Variants in KCNQ1 observed in about 807,000 individuals in gnomAD.
The protein encoded by KCNQ1 is potassium voltage-gated channel subfamily Q member 1.
In KCNQ1, 49 loss-of-function variants were observed where a neutral mutation model predicts 72.4. The observed-to-expected ratio is 0.68, with a 90% CI of 0.54 to 0.86. The LOEUF is 0.86. Among genes scored for constraint, KCNQ1 ranks in the 40% least tolerant of loss-of-function variants. KCNQ1 has a pLI of 0.00. For missense variants in KCNQ1, 790 were observed against 945.1 expected (o/e 0.84, Z 2.15); for synonymous variants, 450 against 412.6 (o/e 1.09, Z -1.10).
chr11:2,667,865 A>T (rs1364154519), intron 11 of KCNQ1: 6 of 398,596 alleles, frequency 1.5e-5, no homozygotes, highest in African/African-American at 4.1e-5. Context: ...ATGCACACAG[A>T]TTAGTACACA....
At chr11:2,499,430 A>C (rs1234948343) in intron 1 of KCNQ1, among the ~76,000 whole-genome samples, 1 of 152,136 alleles carries the variant, frequency 6.6e-6, no homozygotes, top group African/African-American at 2.4e-5. Flanking sequence ...ACAAATAATA[A>C]AATGGCAAGA....
rs1167620860 is a variant in KCNQ1, at chr11:2,495,560, G to T, written c.387-32368G>T. Among the ~76,000 whole-genome samples, 2 of 152,144 alleles carry T rather than the reference G, an allele frequency of 1.3e-5. No homozygotes were observed. Among genetic ancestry groups the T allele is most frequent in the Non-Finnish European group, 2.9e-5 (2 of 68,032 alleles). ...TCTCTTTGTTTTCATTTGTTTCAAA[G>T]AATTTCTTTATTTCTGCCTTGATTT... On this transcript the variant is annotated intron_variant, in intron 1 of 15. Coordinates refer to ENST00000155840, the MANE Select transcript of KCNQ1 (RefSeq NM_000218.3). This position sits in a 1 kb window ranked among gnomAD's most constrained non-coding sequence, Gnocchi z 4.6.
chr11:2,751,741 A>G (rs753198789), intron 11 of KCNQ1, among the ~76,000 whole-genome samples: 1 of 152,258 alleles, frequency 6.6e-6, no homozygotes, highest in Admixed American at 6.5e-5. Flanking sequence ...CTGCAAGGGC[A>G]GGCAGATCGG....
At position 2,636,677 on chromosome 11, in the gene KCNQ1, T is replaced by C. The variant is rs559470202; in HGVS notation, c.1394-25284T>C. ...TTGTTGTGTCTCTGCCAGGCTTTGG[T>C]ATCAGGATGATGCTGGCCTCATAAA... On this transcript the variant is annotated intron_variant, in intron 10 of 15. Transcript: ENST00000155840. The C allele has an allele frequency of 8.5e-5, 13 of 152,294 alleles. 1 individual carries two copies. In the South Asian group the frequency reaches 2.7e-3, roughly 32 times the overall value. The allele number at this position is 152,294 out of a possible 1,614,324, so 9.4% of individuals were successfully genotyped here. A position where few individuals can be genotyped will look rare whatever the true frequency, so the allele number is the denominator to read the frequency against.
intron 11 of KCNQ1, among the ~76,000 whole-genome samples, chr11:2,742,741 G>A (rs1374840924): frequency 6.6e-6 from 1 of 152,260 alleles, no homozygotes; most frequent in Non-Finnish European, 1.5e-5. Flanking sequence ...TGAATTCGGG[G>A]CGGTCCTGAC....
chr11:2,648,537 C>A, intron 10 of KCNQ1: 1 of 398,388 alleles, frequency 2.5e-6, no homozygotes, highest in East Asian at 3.6e-5. Flanking sequence ...ACACAGTGGT[C>A]ATTCAGGAAC....
In KCNQ1 at chr11:2,592,071, T is replaced by C. The variant is rs947449189; in HGVS notation, c.1393+3217T>C. Among the ~76,000 whole-genome samples, 34 of 152,364 alleles carry C rather than the reference T, an allele frequency of 2.2e-4. No homozygotes were observed. The highest frequency in any genetic ancestry group is 8.2e-4 in the African/African-American group (34 of 41,592). On this transcript the variant is annotated intron_variant, in intron 10 of 15. Transcript: ENST00000155840. The surrounding 1 kb of genome is among the most constrained non-coding windows in gnomAD (Gnocchi z 5.2). The stretch of plus-strand genomic sequence containing the variant: ...AACCCAGGCCTCGACCTTGTCTGGC[T>C]GTGCTTTCTGTTGTGTGAACCTGCA...
chr11:2,583,610 C>G, intron 7 of KCNQ1, 65 bp downstream of exon 7: 2 of 1,105,360 alleles, frequency 1.8e-6, no homozygotes, highest in South Asian at 2.5e-5. Flanking sequence ...GGTGGCTGCA[C>G]GCCCCTCCCT....
At chr11:2,577,862 G>GC (rs1022855191) in intron 6 of KCNQ1, among the ~76,000 whole-genome samples, 1 of 152,074 alleles carries the variant, frequency 6.6e-6, no homozygotes, top group African/African-American at 2.4e-5. Context: ...AGACAGTCCT[G>GC]CCCCCCACCC....
At chr11:2,586,732 G>A (rs58902221) in intron 8 of KCNQ1, among the ~76,000 whole-genome samples, 2 of 152,126 alleles carry the variant, frequency 1.3e-5, no homozygotes, top group Admixed American at 1.3e-4. Context: ...AGTGAGGGCT[G>A]CAGGTGCCCC....
In KCNQ1 at chr11:2,671,688, C is replaced by T. The variant is rs188010792; in HGVS notation, c.1514+9607C>T. 1.0e-5 allele frequency: 4 copies of T among 398,690 alleles called. No homozygotes were observed. The highest frequency in any genetic ancestry group is 8.8e-5 in the Admixed American group (2 of 22,728). The allele number at this position is 398,690 out of a possible 1,614,324, so 24.7% of individuals were successfully genotyped here. On this transcript the variant is annotated intron_variant, in intron 11 of 15. Transcript: ENST00000155840. This position sits in a 1 kb window ranked among gnomAD's most constrained non-coding sequence, Gnocchi z 4.7. ...AGAGAGCAGGGGTGACTTTGCAAGG[C>T]AATAGAGGGTACTTGGGAAGTAGGG... is the stretch of plus-strand genomic sequence containing the variant.
intron 10 of KCNQ1, chr11:2,644,861 T>C (rs1382762141): frequency 2.5e-6 from 1 of 398,620 alleles, no homozygotes; most frequent in Non-Finnish European, 4.4e-6. Flanking sequence ...TAGGATGCAG[T>C]TGTTGGTGGA....
intron 1 of KCNQ1, among the ~76,000 whole-genome samples, chr11:2,454,222 C>CGG (rs553611402): frequency 6.7e-6 from 1 of 149,904 alleles, no homozygotes; most frequent in African/African-American, 2.5e-5. Context: ...AAAAGGGTGG[C>CGG]GGGGGGGGAG....
intron 11 of KCNQ1, among the ~76,000 whole-genome samples, chr11:2,760,176 T>C (rs973916638): frequency 1.3e-5 from 2 of 152,060 alleles, no homozygotes; most frequent in Non-Finnish European, 2.9e-5. Context: ...GGCTTTGAAT[T>C]TGACCTATCC....
intron 11 of KCNQ1, among the ~76,000 whole-genome samples, chr11:2,739,259 C>T (rs926282242): frequency 2.6e-5 from 4 of 152,218 alleles, no homozygotes; most frequent in African/African-American, 7.2e-5. Context: ...ACCAACCCAG[C>T]CCCTGTGTGA....
intron 15 of KCNQ1, among the ~76,000 whole-genome samples, chr11:2,831,213 C>T (rs962959701): frequency 9.9e-5 from 15 of 152,208 alleles, no homozygotes; most frequent in South Asian, 2.1e-4. Flanking sequence ...GGATGGCCAT[C>T]GGGTGCAGGG....
chr11:2,463,829 G>C lies in KCNQ1; in HGVS notation c.386+18345G>C, dbSNP rs893618606. On this transcript the variant is annotated intron_variant, in intron 1 of 15. Transcript: ENST00000155840. This position sits in a 1 kb window ranked among gnomAD's most constrained non-coding sequence, Gnocchi z 7.0. ...CGGATGGCCCGGCCCCCGCTACCAC[G>C]TGGAGGCTCCCTGTAGGTGCTTGTG... is the stretch of plus-strand genomic sequence containing the variant. 2.6e-5 allele frequency among the ~76,000 whole-genome samples: 4 copies of C among 152,232 alleles called. No individual in the cohort carries two copies. Among genetic ancestry groups the C allele is most frequent in the African/African-American group, 9.6e-5 (4 of 41,458 alleles).
Position 2,498,433 on chromosome 11 carries a change from G to A in KCNQ1, c.387-29495G>A, listed in dbSNP as rs1846955778. Among the ~76,000 whole-genome samples the A allele has an allele frequency of 7.2e-5, 11 of 152,212 alleles. No individual in the cohort carries two copies. ...GCAGTCTGGCCTCAGCTGCTTTGCT[G>A]TGCTTTGGTGAATTCTGCCCAGTCC... On this transcript the variant is annotated intron_variant, in intron 1 of 15. Transcript: ENST00000155840. The surrounding 1 kb of genome is among the most constrained non-coding windows in gnomAD (Gnocchi z 4.8).
In KCNQ1 at chr11:2,785,764, C is replaced by T. The variant is rs1190069910; in HGVS notation, c.1794+7727C>T. Among the ~76,000 whole-genome samples the T allele has an allele frequency of 1.3e-5, 2 of 151,948 alleles. No individual in the cohort carries two copies. The highest frequency in any genetic ancestry group is 2.4e-5 in the African/African-American group (1 of 41,418). ...CATTAGATTATTACTTCTCATTCTA[C>T]TTTTCTCTCTACTGGTTTTGAAGTT... On this transcript the variant is annotated intron_variant, in intron 15 of 15. Transcript: ENST00000155840. The surrounding 1 kb of genome is among the most constrained non-coding windows in gnomAD (Gnocchi z 4.4).
Sources: gnomAD v4.1 joint callset for allele counts (sites outside exome capture counted in the v4.1 genomes callset) on GRCh38, gnomAD v4.1.1 for gene constraint, Gnocchi (gnomAD v3.1) non-coding constraint, MANE v1.5 for transcripts, NCBI Gene and HGNC (gene_info 2026-07-23, HGNC 2026-07-21) for gene names.